Variants in PDGFC observed in about 807,000 individuals in gnomAD.
PDGFC encodes the protein platelet-derived growth factor C.
Under a neutral mutation model 35.5 loss-of-function variants are expected in PDGFC, and 12 were observed. The observed-to-expected ratio is 0.34, with a 90% confidence interval of 0.22 to 0.55. The LOEUF is 0.55. PDGFC is among the 20% of genes least tolerant of loss of function. PDGFC has a pLI of 0.91. For missense variants in PDGFC, 322 were observed against 412.4 expected (o/e 0.78, Z 1.90); for synonymous variants, 159 against 148.8 (o/e 1.07, Z -0.50).
intron 3 of PDGFC, among the ~76,000 whole-genome samples, chr4:156,790,117 A>C (rs772423732): frequency 1.1e-4 from 16 of 152,292 alleles, no homozygotes; most frequent in Non-Finnish European, 1.8e-4. Context: ...TCACTGGCCA[A>C]TTATTTATTT....
chr4:156,831,439 C>CTTTTTTTT (rs34254264), intron 2 of PDGFC, among the ~76,000 whole-genome samples: 1 of 99,320 alleles, frequency 1.0e-5, no homozygotes, highest in African/African-American at 4.4e-5. Context: ...GAGACCCTGT[C>CTTTTTTTT]TTTTTTTTTT....
intron 1 of PDGFC, among the ~76,000 whole-genome samples, chr4:156,896,644 A>G (rs1730639361): frequency 1.3e-5 from 2 of 152,234 alleles, no homozygotes; most frequent in African/African-American, 4.8e-5. Flanking sequence ...GAAAAGTCAT[A>G]CATAACACAT....
rs72974688 is a variant in PDGFC, at chr4:156,834,037, T to C, written c.314+16184A>G. Among the ~76,000 whole-genome samples the C allele has an allele frequency of 6.2e-3, 942 of 152,292 alleles. 5 individuals are homozygous for C. The highest frequency in any genetic ancestry group is 0.021 in the African/African-American group (868 of 41,568). ...AAACATTGAGAGGTATCTTCTTCCC[T>C]CCCTTCTTTCTTCCTTCCTTACTCT... On this transcript the variant is annotated intron_variant, in intron 2 of 5. Coordinates refer to ENST00000502773, the MANE Select transcript of PDGFC (RefSeq NM_016205.3).
chr4:156,849,691 A>C (rs1286513295), intron 2 of PDGFC, among the ~76,000 whole-genome samples: 1 of 152,132 alleles, frequency 6.6e-6, no homozygotes, highest in Non-Finnish European at 1.5e-5. Flanking sequence ...ACGTTAGCCT[A>C]AATATCTAAT....
chr4:156,884,841 T>G (rs1291481176), intron 1 of PDGFC, among the ~76,000 whole-genome samples: 3 of 152,220 alleles, frequency 2.0e-5, no homozygotes, highest in Admixed American at 2.0e-4. Flanking sequence ...TTAATGAATA[T>G]GTGACTCTAC....
At chr4:156,910,060 C>T (rs1300424438) in intron 1 of PDGFC, among the ~76,000 whole-genome samples, 1 of 152,158 alleles carries the variant, frequency 6.6e-6, no homozygotes, top group Non-Finnish European at 1.5e-5. Context: ...TTTCCTCAAA[C>T]TGTGCAGACA....
At chr4:156,791,919 A>C (rs536365566) in intron 3 of PDGFC, among the ~76,000 whole-genome samples, 1 of 152,326 alleles carries the variant, frequency 6.6e-6, no homozygotes, top group Non-Finnish European at 1.5e-5. Flanking sequence ...TGAAAACCTA[A>C]TCTCCATTTG....
intron 3 of PDGFC, among the ~76,000 whole-genome samples, chr4:156,799,653 T>A (rs1397032237): frequency 6.6e-6 from 1 of 152,192 alleles, no homozygotes; most frequent in Non-Finnish European, 1.5e-5. Context: ...AAGAATACAG[T>A]TCTGAAAAAT....
intron 2 of PDGFC, among the ~76,000 whole-genome samples, chr4:156,837,882 A>G (rs1729099742): frequency 6.6e-6 from 1 of 152,168 alleles, no homozygotes; most frequent in Non-Finnish European, 1.5e-5. Context: ...TTCAAAATAT[A>G]AAACCAAAAC....
chr4:156,914,185 G>T (rs1731105326), intron 1 of PDGFC, among the ~76,000 whole-genome samples: 1 of 152,084 alleles, frequency 6.6e-6, no homozygotes, highest in African/African-American at 2.4e-5. Flanking sequence ...GGAATCTAAG[G>T]GATAACAATG....
rs76267015 is a variant in PDGFC, at chr4:156,855,847, T to A, written c.119-5431A>T. On this transcript the variant is annotated intron_variant, in intron 1 of 5. Transcript: ENST00000502773. Reference sequence around the variant, plus strand: ...ACTGTTAGTTAAAATCATTGACATATATACACATATAGTTTCACTGGCTCC... The same window carrying A: ...ACTGTTAGTTAAAATCATTGACATAAATACACATATAGTTTCACTGGCTCC... 6.6e-5 allele frequency among the ~76,000 whole-genome samples: 10 copies of A among 152,288 alleles called. No homozygotes were observed. In the East Asian group the frequency reaches 1.9e-3, roughly 29 times the overall value.
chr4:156,826,954 T>C (rs1728775080), intron 2 of PDGFC, among the ~76,000 whole-genome samples: 1 of 152,196 alleles, frequency 6.6e-6, no homozygotes, highest in Non-Finnish European at 1.5e-5. Flanking sequence ...GAATTTCAGG[T>C]ACAGTTCCCA....
chr4:156,914,501 T>C (rs1731112643), intron 1 of PDGFC, among the ~76,000 whole-genome samples: 1 of 152,212 alleles, frequency 6.6e-6, no homozygotes, highest in Non-Finnish European at 1.5e-5. Flanking sequence ...CTCCCTGGAC[T>C]ATAACAAGAA....
chr4:156,903,116 T>TGTAG (rs1730832241), intron 1 of PDGFC, among the ~76,000 whole-genome samples: 1 of 139,880 alleles, frequency 7.1e-6, no homozygotes, highest in African/African-American at 2.5e-5. Flanking sequence ...TGTGTGTGTG[T>TGTAG]GTGTGTGTGT....
At chr4:156,764,389 G>T (rs1328801458) in intron 5 of PDGFC, among the ~76,000 whole-genome samples, 1 of 152,134 alleles carries the variant, frequency 6.6e-6, no homozygotes, top group Non-Finnish European at 1.5e-5. Flanking sequence ...TAACTCACAA[G>T]AATTCTATGA....
chr4:156,929,296 A>G (rs1731491948), intron 1 of PDGFC, among the ~76,000 whole-genome samples: 1 of 152,210 alleles, frequency 6.6e-6, no homozygotes, highest in South Asian at 2.1e-4. Flanking sequence ...AAATTTTATC[A>G]GTATCTGTTC....
intron 3 of PDGFC, among the ~76,000 whole-genome samples, chr4:156,798,976 C>T (rs1287727351): frequency 2.6e-5 from 4 of 152,180 alleles, no homozygotes; most frequent in Admixed American, 2.6e-4. Context: ...GAGCCTCCTA[C>T]GTTTATGTCC....
intron 1 of PDGFC, among the ~76,000 whole-genome samples, chr4:156,965,512 G>T (rs1014026246): frequency 2.0e-4 from 31 of 152,186 alleles, no homozygotes; most frequent in African/African-American, 7.0e-4. Flanking sequence ...GGTTAATTTA[G>T]ACTTAGTGGT....
intron 1 of PDGFC, among the ~76,000 whole-genome samples, chr4:156,927,723 G>C (rs1428341062): frequency 6.6e-6 from 1 of 152,112 alleles, no homozygotes; most frequent in Non-Finnish European, 1.5e-5. Flanking sequence ...TGAGTCTCTA[G>C]GGAGTCCCAA....
Sources: allele counts gnomAD v4.1 joint callset (sites outside exome capture counted in the v4.1 genomes callset), GRCh38; gene constraint gnomAD v4.1.1; transcripts MANE v1.5; gene names NCBI Gene and HGNC (gene_info 2026-07-23, HGNC 2026-07-21).